The following CDK6 variants were observed in gnomAD, a reference collection of about 807,000 sequenced individuals.
CDK6 encodes cyclin dependent kinase 6.
Under a neutral mutation model 37.1 loss-of-function variants are expected in CDK6, and 6 were observed. That is an observed-to-expected ratio of 0.16 (90% confidence interval 0.09 to 0.32). CDK6 has a LOEUF of 0.32. CDK6 is among the 10% of genes least tolerant of loss of function. The probability of loss-of-function intolerance (pLI) is 1.00; values close to 1 mark genes in which losing one functional copy is unlikely to be tolerated. For synonymous variants in CDK6, 160 were observed against 161.3 expected, an observed-to-expected ratio of 0.99 and a Z score of 0.06; for missense variants, 224 against 418.9, an observed-to-expected ratio of 0.53 and a Z score of 4.06.
intron 5 of CDK6, among the ~76,000 whole-genome samples, chr7:92,662,457 A>G (rs1031107082): frequency 2.0e-5 from 3 of 152,136 alleles, no homozygotes; most frequent in African/African-American, 7.2e-5. Flanking sequence ...CAAGTGTTAA[A>G]CAAGCACGTG....
intron 2 of CDK6, among the ~76,000 whole-genome samples, chr7:92,787,762 G>C (rs191330531): frequency 2.1e-3 from 317 of 152,114 alleles, no homozygotes; most frequent in Admixed American, 3.7e-3. Flanking sequence ...GAGAAACAAC[G>C]ATGGCTCACA....
chr7:92,705,898 C>T (rs1164008528), intron 4 of CDK6, among the ~76,000 whole-genome samples: 1 of 152,188 alleles, frequency 6.6e-6, no homozygotes, highest in African/African-American at 2.4e-5. Flanking sequence ...GTACCAACTC[C>T]TTTTCTGAAT....
chr7:92,807,008 G>A (rs374308050), intron 2 of CDK6, among the ~76,000 whole-genome samples: 103 of 152,286 alleles, frequency 6.8e-4, no homozygotes, highest in African/African-American at 2.2e-3. Context: ...TACTGAAGTT[G>A]TAGCTTATAC....
At position 92,609,507 on chromosome 7, in the gene CDK6, G is replaced by C. The variant is rs760082414; in HGVS notation, c.*5633C>G. Reference sequence around the variant, plus strand: ...AATGTTAAAATTACCTGGTCTTTTGGTATTTTAGGGCTCTGTTTCAATACA... The same window carrying C: ...AATGTTAAAATTACCTGGTCTTTTGCTATTTTAGGGCTCTGTTTCAATACA... On this transcript the variant is annotated 3_prime_UTR_variant, in exon 8 of 8. Transcript: ENST00000424848. The C allele has an allele frequency of 2.2e-5, 5 of 228,234 alleles. No individual in the cohort carries two copies. The East Asian group carries it at 3.2e-4, about 14-fold the overall frequency. The allele number at this position is 228,234 out of a possible 1,614,324, so 14.1% of individuals were successfully genotyped here.
intron 4 of CDK6, among the ~76,000 whole-genome samples, chr7:92,683,734 T>C (rs1797389185): frequency 6.6e-6 from 1 of 152,200 alleles, no homozygotes. Context: ...CACTATATTT[T>C]GTGCTTTAAG....
intron 5 of CDK6, among the ~76,000 whole-genome samples, chr7:92,663,098 GAAGT>G (rs1796874252): frequency 6.6e-6 from 1 of 152,158 alleles, no homozygotes; most frequent in Admixed American, 6.5e-5. Flanking sequence ...AACATGGGAA[GAAGT>G]AATAAACCAG....
chr7:92,612,111 C>G lies in CDK6; in HGVS notation c.*3029G>C, dbSNP rs1795575529. ...TAAATGGACAAGTTTCTCTTTTTCT[C>G]TTTTTATATGTAGGTTGTTTTGACT... On this transcript the variant is annotated 3_prime_UTR_variant, in exon 8 of 8. Transcript: ENST00000424848. 1 of 232,810 alleles carries G rather than the reference C, an allele frequency of 4.3e-6. No individual in the cohort carries two copies. The highest frequency in any genetic ancestry group is 1.8e-4 in the South Asian group (1 of 5,528). 14.4% of individuals were successfully genotyped at this position (232,810 alleles called of 1,614,324 possible). A position where few individuals can be genotyped will look rare whatever the true frequency, so the allele number is the denominator to read the frequency against.
intron 3 of CDK6, among the ~76,000 whole-genome samples, chr7:92,748,000 G>C (rs1799100010): frequency 6.6e-6 from 1 of 152,142 alleles, no homozygotes; most frequent in African/African-American, 2.4e-5. Context: ...AAAGAATTGA[G>C]GGAAAATGCG....
rs55741533 is a variant in CDK6 at position 92,610,865 on chromosome 7, T to TA, written c.*4274dup. On this transcript the variant is annotated 3_prime_UTR_variant, in exon 8 of 8. Transcript: ENST00000424848. Reference sequence around the variant, plus strand: ...GGTGGCATAGGAAACACATGCCTTTTAAAAATTTATTTTTTCAATGAACGT... The same window carrying TA: ...GGTGGCATAGGAAACACATGCCTTTTAAAAAATTTATTTTTTCAATGAACGT... 1 of 228,244 alleles carries TA rather than the reference T, an allele frequency of 4.4e-6. No homozygotes were observed. The highest frequency in any genetic ancestry group is 8.7e-6 in the Non-Finnish European group (1 of 115,074). 14.1% of individuals were successfully genotyped at this position (228,244 alleles called of 1,614,324 possible).
chr7:92,695,891 C>T (rs1482283321), intron 4 of CDK6, among the ~76,000 whole-genome samples: 1 of 152,186 alleles, frequency 6.6e-6, no homozygotes, highest in Admixed American at 6.5e-5. Flanking sequence ...TGGAGCTGCA[C>T]AAAGGAAATA....
Position 92,835,593 on chromosome 7 carries a change from G to A in CDK6, c.-368+885C>T, listed in dbSNP as rs368589321. Among the ~76,000 whole-genome samples, 2 of 152,210 alleles carry A rather than the reference G, an allele frequency of 1.3e-5. No homozygotes were observed. The highest frequency in any genetic ancestry group is 3.8e-4 in the East Asian group (2 of 5,200). On this transcript the variant is annotated intron_variant, in intron 1 of 7. Coordinates refer to ENST00000424848, the MANE Select transcript of CDK6 (RefSeq NM_001145306.2). This position sits in a 1 kb window ranked among gnomAD's most constrained non-coding sequence, Gnocchi z 4.2. ...GCATTCCTCCGCGACTACAAAGGCT[G>A]CAGCCGCCTCCTTCTGCTTTCTGTC... is the stretch of plus-strand genomic sequence containing the variant.
At chr7:92,818,444 G>C (rs1432088748) in intron 2 of CDK6, among the ~76,000 whole-genome samples, 1 of 151,836 alleles carries the variant, frequency 6.6e-6, no homozygotes, top group Non-Finnish European at 1.5e-5. Context: ...ACAAAGACTT[G>C]ACTTGAATGC....
At chr7:92,644,354 A>G (rs1687030452) in intron 5 of CDK6, among the ~76,000 whole-genome samples, 1 of 152,184 alleles carries the variant, frequency 6.6e-6, no homozygotes, top group Admixed American at 6.5e-5. Context: ...TAAGAAGGGA[A>G]TATTTTTGAG....
chr7:92,678,573 T>C (rs1024036048), intron 4 of CDK6, among the ~76,000 whole-genome samples: 7 of 152,210 alleles, frequency 4.6e-5, no homozygotes, highest in Non-Finnish European at 8.8e-5. Context: ...TGACTTAAAA[T>C]ACATTTCAGA....
intron 4 of CDK6, among the ~76,000 whole-genome samples, chr7:92,699,193 A>G (rs1797788517): frequency 6.6e-6 from 1 of 152,248 alleles, no homozygotes; most frequent in Admixed American, 6.5e-5. Context: ...GTTCACTATC[A>G]GAGAGACAGA....
intron 4 of CDK6, among the ~76,000 whole-genome samples, chr7:92,695,874 T>C (rs1388290512): frequency 1.3e-5 from 2 of 152,206 alleles, no homozygotes; most frequent in African/African-American, 4.8e-5. Flanking sequence ...TTGGATTCTG[T>C]GTGCACTGGA....
At chr7:92,722,699 A>C (rs778617406) in intron 4 of CDK6, among the ~76,000 whole-genome samples, 2 of 152,146 alleles carry the variant, frequency 1.3e-5, no homozygotes, top group Non-Finnish European at 2.9e-5. Flanking sequence ...CTCCTTCTCT[A>C]TTCCTGTTAT....
In CDK6 at chr7:92,744,348, C is replaced by A. The variant is rs556562449; in HGVS notation, c.370-18555G>T. Reference sequence around the variant, plus strand: ...AATGAAAGCCAAGCAAAATGGGCTTCCCCTTATAAAATCATCAGATCTCGT... The same window carrying A: ...AATGAAAGCCAAGCAAAATGGGCTTACCCTTATAAAATCATCAGATCTCGT... On this transcript the variant is annotated intron_variant, in intron 3 of 7. Coordinates refer to ENST00000424848, the MANE Select transcript of CDK6 (RefSeq NM_001145306.2). Among the ~76,000 whole-genome samples the A allele has an allele frequency of 1.3e-4, 20 of 152,240 alleles. No homozygotes were observed. In the South Asian group the frequency reaches 3.9e-3, roughly 30 times the overall value.
chr7:92,713,266 T>C (rs541605584), intron 4 of CDK6, among the ~76,000 whole-genome samples: 2 of 152,330 alleles, frequency 1.3e-5, no homozygotes, highest in South Asian at 4.1e-4. Flanking sequence ...GTATAAGTAG[T>C]TTTACATAAT....
Sources: allele counts gnomAD v4.1 joint callset (sites outside exome capture counted in the v4.1 genomes callset), GRCh38; gene constraint gnomAD v4.1.1; non-coding constraint Gnocchi (gnomAD v3.1); transcripts MANE v1.5; gene names NCBI Gene and HGNC (gene_info 2026-07-23, HGNC 2026-07-21).